Variants in DHCR7 observed in about 807,000 individuals in gnomAD.
The protein encoded by DHCR7 is 7-dehydrocholesterol reductase.
Under a neutral mutation model 43.3 loss-of-function variants are expected in DHCR7, and 40 were observed. That is an observed-to-expected ratio of 0.92 (90% CI 0.72 to 1.20). The LOEUF (loss-of-function observed/expected upper bound fraction) is 1.20. DHCR7 is among the 50% of genes most tolerant of loss of function. DHCR7 has a pLI of 0.00. For missense variants in DHCR7, 608 were observed against 644.6 expected, an observed-to-expected ratio of 0.94 and a Z score of 0.62; for synonymous variants, 298 against 271.4, an observed-to-expected ratio of 1.10 and a Z score of -0.96.
In DHCR7 at chr11:71,444,910, G is replaced by T; in HGVS notation, c.43C>A (p.Leu15Ile). The change falls in exon 3 of 9, where the codon CTA (leucine) becomes ATA (isoleucine). Residue 15 changes from leucine (L) to isoleucine (I), a missense_variant. By Grantham distance (5) the Leu-to-Ile change is conservative (BLOSUM62 2). Coordinates refer to ENST00000355527, the MANE Select transcript of DHCR7 (RefSeq NM_001360.3). ...SQPNIPKAKS[L>I]DGVTNDRTAS... ...GTTCTGTCATTGGTGACGCCATCTAGACTCTTGGCTTTGGGAATGTTGGGT... is the reference window on the plus strand; with the variant it reads ...GTTCTGTCATTGGTGACGCCATCTATACTCTTGGCTTTGGGAATGTTGGGT... 1 of 1,614,204 alleles carries T rather than the reference G, an allele frequency of 6.2e-7. No individual in the cohort carries two copies.
chr11:71,427,348 G>T (rs527676818), downstream of DHCR7, among the ~76,000 whole-genome samples: 1 of 151,960 alleles, frequency 6.6e-6, no homozygotes, highest in African/African-American at 2.4e-5. Context: ...AAATAATTGT[G>T]GTTTCCAAAA....
At position 71,434,874 on chromosome 11, in the gene DHCR7, C is replaced by T. The variant is rs370708079; in HGVS notation, c.*501G>A. On this transcript the variant is annotated 3_prime_UTR_variant, in exon 9 of 9. Transcript: ENST00000355527. ...CACCGTGCACGCTACCAAGGAGAAA[C>T]GGCGCACGGGCCCCACCCACGACTG... 1.3e-4 allele frequency: 47 copies of T among 352,156 alleles called. 1 individual carries two copies. Among genetic ancestry groups the T allele is most frequent in the East Asian group, 1.1e-3 (15 of 13,276 alleles). The allele number at this position is 352,156 out of a possible 1,614,324, so 21.8% of individuals were successfully genotyped here. A position where few individuals can be genotyped will look rare whatever the true frequency, so the allele number is the denominator to read the frequency against.
At chr11:71,433,394 A>C (rs1340051686), downstream of DHCR7, among the ~76,000 whole-genome samples, 1 of 152,188 alleles carries the variant, frequency 6.6e-6, no homozygotes, top group African/African-American at 2.4e-5. Context: ...TGCAGAACCC[A>C]TTGTACAAAC....
chr11:71,438,156 C>T (rs1462809844), intron 7 of DHCR7, among the ~76,000 whole-genome samples: 2 of 152,122 alleles, frequency 1.3e-5, no homozygotes, highest in African/African-American at 2.4e-5. Flanking sequence ...AGAACCACCC[C>T]GAGCCCATGG....
At position 71,444,148 on chromosome 11, in the gene DHCR7, A is replaced by T. The variant is rs1480350925; in HGVS notation, c.166T>A (p.Tyr56Asn). 1 of 1,611,592 alleles carries T rather than the reference A, an allele frequency of 6.2e-7. No individual in the cohort carries two copies. Among genetic ancestry groups the T allele is most frequent in the Non-Finnish European group, 8.5e-7 (1 of 1,178,808 alleles). The change falls in exon 4 of 9, where the codon TAC becomes AAC. Residue 56 changes from tyrosine (Y) to asparagine (N), a missense_variant. By Grantham distance (143) the Tyr-to-Asn change is moderately radical (BLOSUM62 -2). Coordinates refer to ENST00000355527, the MANE Select transcript of DHCR7 (RefSeq NM_001360.3). Reference sequence around the variant, plus strand: ...TACTGGTCACAAGCCATGATGAAGTAGTAGACGATGAAGGGGGCGAACAGC... The same window carrying T: ...TACTGGTCACAAGCCATGATGAAGTTGTAGACGATGAAGGGGGCGAACAGC... ...LLLFAPFIVY[Y>N]FIMACDQYSC...
At chr11:71,436,654 C>T (rs934548568) in intron 8 of DHCR7, among the ~76,000 whole-genome samples, 13 of 96,598 alleles carry the variant, frequency 1.3e-4, no homozygotes, top group African/African-American at 5.0e-4. Context: ...CAGAGCGAGA[C>T]TCCGTCTCAA....
At chr11:71,428,074 T>C (rs929781023), downstream of DHCR7, 1 of 152,182 alleles carries the variant, frequency 6.6e-6, no homozygotes, top group African/African-American at 2.4e-5. Flanking sequence ...CCAAACATAG[T>C]AGTTAGGGCC....
downstream of DHCR7, among the ~76,000 whole-genome samples, chr11:71,427,442 GAT>G (rs776523040): frequency 2.0e-5 from 3 of 152,278 alleles, no homozygotes; most frequent in Middle Eastern, 3.4e-3. Flanking sequence ...TTGAAAAATT[GAT>G]ATGTTTACTT....
intron 5 of DHCR7, among the ~76,000 whole-genome samples, chr11:71,441,811 C>T (rs1288107733): frequency 1.3e-5 from 2 of 152,186 alleles, no homozygotes; most frequent in African/African-American, 2.4e-5. Context: ...AGCCCATCCA[C>T]CCCTCAAAAC....
chr11:71,437,923 G>T lies in DHCR7; in HGVS notation c.852C>A (p.Phe284Leu), dbSNP rs184297154. 6 of 1,613,674 alleles carry T rather than the reference G, an allele frequency of 3.7e-6. No homozygotes were observed. The highest frequency in any genetic ancestry group is 4.5e-5 in the East Asian group (2 of 44,876). ...NVLQAIYVID[F>L]FWNETWYLKT... ...TCAGGTACCAGGTTTCGTTCCAGAA[G>T]AAGTCAATCACGTAGATGGCCTGCA... The change falls in exon 8 of 9, where the codon TTC becomes TTA. Residue 284 changes from phenylalanine (F) to leucine (L), a missense_variant. Physicochemically the swap from Phe to Leu is conservative, Grantham distance 22. Coordinates refer to ENST00000355527, the MANE Select transcript of DHCR7 (RefSeq NM_001360.3).
rs1351081365 is a variant in DHCR7 at position 71,435,218 on chromosome 11, GT to G, written c.*156del. 1.3e-6 allele frequency: 1 copy of G among 763,232 alleles called. No individual in the cohort carries two copies. Among genetic ancestry groups the G allele is most frequent in the Non-Finnish European group, 2.3e-6 (1 of 442,610 alleles). The allele number at this position is 763,232 out of a possible 1,614,324, so 47.3% of individuals were successfully genotyped here. A position where few individuals can be genotyped will look rare whatever the true frequency, so the allele number is the denominator to read the frequency against. ...TGAAGGCAAAAGCAAGGAACAGAGC[GT>G]GATTAGGTACTGGACACCTGCCAAG... On this transcript the variant is annotated 3_prime_UTR_variant, in exon 9 of 9. Coordinates refer to ENST00000355527, the MANE Select transcript of DHCR7 (RefSeq NM_001360.3).
chr11:71,442,591 C>T (rs1049384158), intron 4 of DHCR7, among the ~76,000 whole-genome samples: 9 of 152,266 alleles, frequency 5.9e-5, no homozygotes, highest in Admixed American at 2.6e-4. Context: ...CTCAGGAGAG[C>T]GCACAGGTCC....
At chr11:71,431,811 A>T (rs1949229484), downstream of DHCR7, among the ~76,000 whole-genome samples, 1 of 152,196 alleles carries the variant, frequency 6.6e-6, no homozygotes, top group South Asian at 2.1e-4. Flanking sequence ...TTTTATGTAT[A>T]TATTTCATAT....
chr11:71,444,732 CAA>C (rs112621523), intron 3 of DHCR7, 121 bp downstream of exon 3: 315 of 663,960 alleles, frequency 4.7e-4, no homozygotes, highest in Non-Finnish European at 5.7e-4. Context: ...TTAGTCTTGA[CAA>C]AAAAAAAAAA....
rs1949291978 is a variant in DHCR7, at chr11:71,437,164, A to AC, written c.963+647_963+648insG. The stretch of plus-strand genomic sequence containing the variant: ...CCCACAGGACTGGCTGTCACAGGTG[A>AC]TGCCGGGCCTGTCACATCCTGAATA... On this transcript the variant is annotated intron_variant, in intron 8 of 8. Coordinates refer to ENST00000355527, the MANE Select transcript of DHCR7 (RefSeq NM_001360.3). Among the ~76,000 whole-genome samples the AC allele has an allele frequency of 4.6e-5, 7 of 152,320 alleles. No individual in the cohort carries two copies. In the East Asian group the frequency reaches 9.7e-4, roughly 21 times the overall value.
rs373121544 is a variant in DHCR7, at chr11:71,439,040, C to T, written c.670G>A (p.Glu224Lys). ...NFFYNYMMGIEFNPRIGKWFD... is the reference protein window; with the variant it reads ...NFFYNYMMGIKFNPRIGKWFD... ...CACTTCCCGATCCGAGGGTTAAACT[C>T]GATGCCCATCATGTAGTTGTAAAAG... The change falls in exon 7 of 9, where the codon GAG (glutamate) becomes AAG (lysine). Residue 224 changes from glutamate to lysine, a missense_variant. By Grantham distance (56) the Glu-to-Lys change is moderately conservative. Transcript: ENST00000355527. The T allele has an allele frequency of 7.4e-6, 12 of 1,613,970 alleles. No individual in the cohort carries two copies. The highest frequency in any genetic ancestry group is 2.7e-5 in the African/African-American group (2 of 74,928).
chr11:71,432,075 A>T (rs778273900), downstream of DHCR7, among the ~76,000 whole-genome samples: 11 of 152,186 alleles, frequency 7.2e-5, no homozygotes, highest in Admixed American at 2.0e-4. Context: ...ATCTGCCCAC[A>T]TTGGCCTCCC....
intron 7 of DHCR7, chr11:71,438,640 G>A: frequency 1.7e-6 from 1 of 592,814 alleles, no homozygotes; most frequent in Non-Finnish European, 3.0e-6. Flanking sequence ...AGACCTTCCT[G>A]GACCACGCCT....
intron 4 of DHCR7, among the ~76,000 whole-genome samples, chr11:71,443,175 G>C (rs769630731): frequency 3.9e-5 from 6 of 152,200 alleles, no homozygotes; most frequent in Non-Finnish European, 8.8e-5. Context: ...ACAGTGTTCT[G>C]TTCTGTGGGT....
Sources: allele counts gnomAD v4.1 joint callset (sites outside exome capture counted in the v4.1 genomes callset), GRCh38; gene constraint gnomAD v4.1.1; transcripts MANE v1.5; gene names NCBI Gene and HGNC (gene_info 2026-07-23, HGNC 2026-07-21).